TIPIN: variants seen among roughly 807,000 people sequenced by gnomAD.
The protein encoded by TIPIN is TIMELESS-interacting protein.
Under a neutral mutation model 35.6 loss-of-function variants are expected in TIPIN, and 29 were observed. That is an observed-to-expected ratio of 0.82 (90% confidence interval 0.61 to 1.11). TIPIN has a LOEUF of 1.11. TIPIN is among the 50% of genes most tolerant of loss of function. The pLI, the probability that TIPIN is intolerant of heterozygous loss-of-function variation, is 0.00. For synonymous variants in TIPIN, 102 were observed against 121.5 expected (o/e 0.84, Z 1.06); for missense variants, 296 against 345.4 (o/e 0.86, Z 1.13).
At chr15:66,364,158 CTTTT>C (rs747825457) in intron 1 of TIPIN, among the ~76,000 whole-genome samples, 6 of 73,792 alleles carry the variant, frequency 8.1e-5, no homozygotes, top group Admixed American at 7.1e-4. Flanking sequence ...TCTTTCTTTT[CTTTT>C]TTTTTTTTTT....
chr15:66,345,515 G>C (rs996603524), intron 6 of TIPIN, among the ~76,000 whole-genome samples: 9 of 152,262 alleles, frequency 5.9e-5, no homozygotes, highest in Middle Eastern at 3.4e-3. Flanking sequence ...AGGAGTTTGA[G>C]ACAAGCCTGG....
intron 4 of TIPIN, among the ~76,000 whole-genome samples, chr15:66,350,377 G>A (rs1441499227): frequency 7.2e-5 from 11 of 151,776 alleles, no homozygotes; most frequent in African/African-American, 2.7e-4. Flanking sequence ...AGGCCGAGGC[G>A]GGTGGATGAC....
chr15:66,339,596 A>T (rs1259372876), intron 7 of TIPIN, among the ~76,000 whole-genome samples: 1 of 152,302 alleles, frequency 6.6e-6, no homozygotes, highest in Non-Finnish European at 1.5e-5. Flanking sequence ...GGCCAGGTAC[A>T]CTGGCTCATA....
chr15:66,350,590 G>A (rs1233342290), intron 4 of TIPIN, among the ~76,000 whole-genome samples: 27 of 150,102 alleles, frequency 1.8e-4, no homozygotes, highest in African/African-American at 6.6e-4. Flanking sequence ...GGGTGACAAG[G>A]GCAAAACTTC....
At chr15:66,341,126 T>G in intron 7 of TIPIN, 24 bp downstream of exon 7, 1 of 1,602,158 alleles carries the variant, frequency 6.2e-7, no homozygotes. Flanking sequence ...AATGGTAGCA[T>G]ATAAAATTTG....
Position 66,336,625 on chromosome 15 carries a change from C to T in TIPIN, c.*333G>A, listed in dbSNP as rs1326232720. 3 of 281,870 alleles carry T rather than the reference C, an allele frequency of 1.1e-5. No individual in the cohort carries two copies. Among genetic ancestry groups the T allele is most frequent in the Non-Finnish European group, 6.9e-6 (1 of 145,154 alleles). The allele number at this position is 281,870 out of a possible 1,614,324, so 17.5% of individuals were successfully genotyped here. ...CTGGGCACACTGTCCATGGATTAGC[C>T]CTGCTTTGCAAGGAGCAGTAAAAAA... On this transcript the variant is annotated 3_prime_UTR_variant, in exon 8 of 8. Coordinates refer to ENST00000261881, the MANE Select transcript of TIPIN (RefSeq NM_017858.3).
At chr15:66,380,543 G>A (rs565101751) in intron 1 of TIPIN, among the ~76,000 whole-genome samples, 272 of 152,062 alleles carry the variant, frequency 1.8e-3, no homozygotes, top group Middle Eastern at 3.4e-3. Flanking sequence ...GGCCAGGCGC[G>A]GTGGCTCATG....
chr15:66,339,131 C>CAAAAAAAA (rs35065958), intron 7 of TIPIN, among the ~76,000 whole-genome samples: 7 of 20,570 alleles, frequency 3.4e-4, no homozygotes, highest in African/African-American at 1.4e-3. Context: ...GACTCCATCT[C>CAAAAAAAA]AAAAAAAAAA....
chr15:66,356,456 C>A (rs1225656589), intron 1 of TIPIN, among the ~76,000 whole-genome samples, 183 bp downstream of exon 1: 1 of 152,104 alleles, frequency 6.6e-6, no homozygotes, highest in Non-Finnish European at 1.5e-5. Context: ...CCGGGACACG[C>A]GCCCACCTCC....
At chr15:66,352,234 T>C in intron 2 of TIPIN, 27 bp from the exon 3 acceptor site, 1 of 1,471,604 alleles carries the variant, frequency 6.8e-7, no homozygotes, top group Non-Finnish European at 9.4e-7. Context: ...CGATTCAGTA[T>C]TACTGTACTT....
intron 6 of TIPIN, among the ~76,000 whole-genome samples, chr15:66,345,713 A>C (rs2093120310): frequency 6.6e-6 from 1 of 152,106 alleles, no homozygotes; most frequent in African/African-American, 2.4e-5. Context: ...TCCGTCTCAA[A>C]AAAAAAAAAG....
chr15:66,374,204 G>C (rs897983336), intron 1 of TIPIN, among the ~76,000 whole-genome samples: 1 of 151,890 alleles, frequency 6.6e-6, no homozygotes, highest in Non-Finnish European at 1.5e-5. Context: ...CAGAGTAGCT[G>C]GGACTACAGA....
chr15:66,339,796 A>C (rs1344796291), intron 7 of TIPIN, among the ~76,000 whole-genome samples: 1 of 152,210 alleles, frequency 6.6e-6, no homozygotes, highest in Non-Finnish European at 1.5e-5. Context: ...GTGAAAAGGG[A>C]ATGCTAAAGA....
At chr15:66,364,158 C>CTTTTTTTTTT (rs747825457) in intron 1 of TIPIN, among the ~76,000 whole-genome samples, 28 of 73,790 alleles carry the variant, frequency 3.8e-4, no homozygotes, top group Non-Finnish European at 5.8e-4. Context: ...TCTTTCTTTT[C>CTTTTTTTTTT]TTTTTTTTTT....
intron 1 of TIPIN, chr15:66,379,763 T>C (rs1347977272): frequency 1.9e-6 from 3 of 1,605,254 alleles, no homozygotes; most frequent in East Asian, 2.2e-5. Context: ...CCTCTTTTTT[T>C]TTCTTTCCAA....
chr15:66,372,740 TAAG>T (rs1258953041), intron 1 of TIPIN, among the ~76,000 whole-genome samples: 2 of 151,992 alleles, frequency 1.3e-5, no homozygotes, highest in African/African-American at 4.8e-5. Flanking sequence ...CTGTCTCTAC[TAAG>T]AATACAAAAA....
intron 1 of TIPIN, chr15:66,371,217 A>T: frequency 1.0e-6 from 1 of 984,960 alleles, no homozygotes; most frequent in Non-Finnish European, 1.2e-6. Context: ...AAAAAAAAAA[A>T]AAAAGTGTAA....
upstream of TIPIN, among the ~76,000 whole-genome samples, chr15:66,359,553 T>C (rs895362919): frequency 3.3e-5 from 5 of 152,058 alleles, no homozygotes; most frequent in African/African-American, 9.7e-5. Context: ...GGTTTCACCA[T>C]GTTGGTCGGG....
intron 1 of TIPIN, among the ~76,000 whole-genome samples, chr15:66,376,777 T>C (rs2093298440): frequency 6.6e-6 from 1 of 151,750 alleles, no homozygotes; most frequent in South Asian, 2.1e-4. Context: ...TGGGTCAGTA[T>C]TGGGACTTTA....
Sources: gnomAD v4.1 joint callset for allele counts (sites outside exome capture counted in the v4.1 genomes callset) on GRCh38, gnomAD v4.1.1 for gene constraint, MANE v1.5 for transcripts, NCBI Gene and HGNC (gene_info 2026-07-23, HGNC 2026-07-21) for gene names.